The following DOCK3 variants were observed in gnomAD, a reference collection of about 807,000 sequenced individuals.
The protein encoded by DOCK3 is dedicator of cytokinesis 3.
A neutral mutation model predicts 265.6 loss-of-function variants in DOCK3; 60 were observed. The observed-to-expected ratio is 0.23, with a 90% confidence interval of 0.18 to 0.28. DOCK3 has a LOEUF of 0.28. Ranked by LOEUF, DOCK3 falls within the 10% of genes least tolerant of loss-of-function variation. The pLI is 1.00. For synonymous variants in DOCK3, 881 were observed against 938.0 expected, an observed-to-expected ratio of 0.94 and a Z score of 1.11; for missense variants, 1,981 against 2,594.3, an observed-to-expected ratio of 0.76 and a Z score of 5.14.
chr3:50,825,470 A>G (rs567142189), intron 2 of DOCK3, among the ~76,000 whole-genome samples: 4 of 152,280 alleles, frequency 2.6e-5, no homozygotes, highest in South Asian at 4.1e-4. Flanking sequence ...CCTTTACTTC[A>G]TCTCATTTGA....
At chr3:51,178,526 G>T (rs745364436) in intron 12 of DOCK3, among the ~76,000 whole-genome samples, 1 of 152,184 alleles carries the variant, frequency 6.6e-6, no homozygotes, top group East Asian at 1.9e-4. Context: ...ACCAAATTCA[G>T]CTTTAACATA....
chr3:50,730,142 AAT>A (rs2038103155), intron 1 of DOCK3, among the ~76,000 whole-genome samples: 1 of 151,894 alleles, frequency 6.6e-6, no homozygotes, highest in Non-Finnish European at 1.5e-5. Context: ...CGCTTTTAAA[AAT>A]ATATATTTAT....
chr3:51,009,389 T>C (rs945983782), intron 5 of DOCK3, among the ~76,000 whole-genome samples: 17 of 152,226 alleles, frequency 1.1e-4, no homozygotes, highest in Admixed American at 7.2e-4. Context: ...TTCTAGATTT[T>C]CTAGTTTATT....
intron 2 of DOCK3, among the ~76,000 whole-genome samples, chr3:50,811,141 C>G (rs1191223280): frequency 6.6e-6 from 1 of 152,088 alleles, no homozygotes; most frequent in Non-Finnish European, 1.5e-5. Flanking sequence ...TGCTTGTAAT[C>G]CTCAGTGGAG....
chr3:50,949,496 T>C (rs1003897766), intron 5 of DOCK3, among the ~76,000 whole-genome samples: 1 of 152,190 alleles, frequency 6.6e-6, no homozygotes, highest in Admixed American at 6.5e-5. Context: ...AGGAGTGAGA[T>C]TGGGCTGTGA....
At chr3:50,995,881 A>G (rs1244536324) in intron 5 of DOCK3, among the ~76,000 whole-genome samples, 3 of 152,126 alleles carry the variant, frequency 2.0e-5, no homozygotes, top group Non-Finnish European at 2.9e-5. Flanking sequence ...TCTGTCATCA[A>G]GTATTGTAGA....
At chr3:51,140,236 A>G (rs2084987252) in intron 9 of DOCK3, among the ~76,000 whole-genome samples, 1 of 152,128 alleles carries the variant, frequency 6.6e-6, no homozygotes, top group Non-Finnish European at 1.5e-5. Flanking sequence ...GAAATCCCAT[A>G]CCATTTAATA....
At chr3:51,019,270 T>C (rs2079486719) in intron 5 of DOCK3, among the ~76,000 whole-genome samples, 2 of 151,892 alleles carry the variant, frequency 1.3e-5, no homozygotes, top group African/African-American at 4.9e-5. Context: ...AGATCTAATA[T>C]ACATCTGGAG....
intron 36 of DOCK3, 114 bp from the exon 37 acceptor site, chr3:51,338,821 C>T: frequency 2.4e-6 from 2 of 848,460 alleles, no homozygotes; most frequent in Non-Finnish European, 3.8e-6. Context: ...CTGTCTGCCT[C>T]CAGGGCCTGC....
At position 50,835,533 on chromosome 3, in the gene DOCK3, T is replaced by C. The variant is rs139996564; in HGVS notation, c.122-6142T>C. 3.4e-4 allele frequency among the ~76,000 whole-genome samples: 52 copies of C among 152,296 alleles called. No individual in the cohort carries two copies. In the East Asian group the frequency reaches 9.3e-3, roughly 27 times the overall value. On this transcript the variant is annotated intron_variant, in intron 2 of 52. Coordinates refer to ENST00000266037, the MANE Select transcript of DOCK3 (RefSeq NM_004947.5). Reference sequence around the variant, plus strand: ...CAACAATTGTTCATGGATGACAAAATTCCTTAGGGCAGCCTGTATTAAAGC... The same window carrying C: ...CAACAATTGTTCATGGATGACAAAACTCCTTAGGGCAGCCTGTATTAAAGC...
At chr3:51,143,889 G>T (rs1002732992) in intron 9 of DOCK3, among the ~76,000 whole-genome samples, 1 of 151,932 alleles carries the variant, frequency 6.6e-6, no homozygotes, top group East Asian at 1.9e-4. Context: ...AATAATCTGG[G>T]GCGACAGAAA....
At chr3:50,773,621 CTGA>C (rs1418831697) in intron 1 of DOCK3, among the ~76,000 whole-genome samples, 1 of 152,012 alleles carries the variant, frequency 6.6e-6, no homozygotes, top group Non-Finnish European at 1.5e-5. Flanking sequence ...AAAAGAACTG[CTGA>C]TGTTAATTTC....
intron 1 of DOCK3, among the ~76,000 whole-genome samples, chr3:50,700,339 T>C (rs1411202829): frequency 2.0e-5 from 3 of 152,226 alleles, no homozygotes; most frequent in African/African-American, 7.2e-5. Context: ...AAGTTGTATA[T>C]TACTACTATG....
chr3:50,698,168 C>T (rs1448106700), intron 1 of DOCK3, among the ~76,000 whole-genome samples: 1 of 152,034 alleles, frequency 6.6e-6, no homozygotes, highest in Non-Finnish European at 1.5e-5. Context: ...TACCCATTAG[C>T]AGTCACTACT....
At chr3:51,215,962 A>G (rs955332367) in intron 14 of DOCK3, among the ~76,000 whole-genome samples, 1 of 151,896 alleles carries the variant, frequency 6.6e-6, no homozygotes, top group Non-Finnish European at 1.5e-5. Flanking sequence ...GCCCAAGCAT[A>G]GTCAGGCTTC....
At chr3:50,717,076 A>G (rs556652927) in intron 1 of DOCK3, among the ~76,000 whole-genome samples, 65 of 152,182 alleles carry the variant, frequency 4.3e-4, no homozygotes, top group Non-Finnish European at 7.9e-4. Flanking sequence ...GTCCATAGGG[A>G]GAGTCCTTAT....
At chr3:51,071,979 G>A (rs1325722709) in intron 6 of DOCK3, among the ~76,000 whole-genome samples, 2 of 151,972 alleles carry the variant, frequency 1.3e-5, no homozygotes, top group African/African-American at 2.4e-5. Context: ...ACTCTTTTTG[G>A]TTTTTACCAG....
In DOCK3 at chr3:51,036,892, C is replaced by CA. The variant is rs1438866144; in HGVS notation, c.316-27554dup. ...TTTTAAAAACGGGAGTTTCCCTGCA[C>CA]AAGCTCTCTCTTTGCCTGCTGCCAT... On this transcript the variant is annotated intron_variant, in intron 5 of 52. Transcript: ENST00000266037. Among the ~76,000 whole-genome samples the CA allele has an allele frequency of 7.9e-5, 12 of 152,266 alleles. No individual in the cohort carries two copies. The South Asian group carries it at 8.3e-4, about 11-fold the overall frequency.
At chr3:51,049,498 A>G (rs2080907516) in intron 5 of DOCK3, among the ~76,000 whole-genome samples, 1 of 152,112 alleles carries the variant, frequency 6.6e-6, no homozygotes, top group Non-Finnish European at 1.5e-5. Context: ...TTTATGGGTC[A>G]GTTTTCTTTC....
Sources: allele counts gnomAD v4.1 joint callset (sites outside exome capture counted in the v4.1 genomes callset), GRCh38; gene constraint gnomAD v4.1.1; transcripts MANE v1.5; gene names NCBI Gene and HGNC (gene_info 2026-07-23, HGNC 2026-07-21).